RBP2: variants seen among roughly 807,000 people sequenced by gnomAD.
RBP2 encodes the protein retinol-binding protein 2.
Under a neutral mutation model 17.0 loss-of-function variants are expected in RBP2, and 17 were observed. The ratio of observed to expected loss-of-function variants is 1.00; its 90% CI spans 0.68 to 1.50. The LOEUF is 1.50. Ranked by LOEUF, RBP2 falls within the 40% of genes most tolerant of loss-of-function variation. RBP2 has a pLI of 0.00. For missense variants in RBP2, 158 were observed against 168.2 expected, an observed-to-expected ratio of 0.94 and a Z score of 0.33; for synonymous variants, 48 against 57.1, an observed-to-expected ratio of 0.84 and a Z score of 0.72.
rs1266261947 is a variant in RBP2 at position 139,468,936 on chromosome 3, C to CT, written c.74-6647dup. Among the ~76,000 whole-genome samples the CT allele has an allele frequency of 7.2e-5, 11 of 152,090 alleles. No homozygotes were observed. In the South Asian group the frequency reaches 1.2e-3, roughly 17 times the overall value. ...AGGAAAAAAAACAACACGGACCTGA[C>CT]TTTATTAAAACATACTTTTCATAAC... is the stretch of plus-strand genomic sequence containing the variant. On this transcript the variant is annotated intron_variant, in intron 1 of 3. Coordinates refer to ENST00000232217, the MANE Select transcript of RBP2 (RefSeq NM_004164.3).
At chr3:139,458,919 G>T (rs1283448016) in intron 2 of RBP2, among the ~76,000 whole-genome samples, 1 of 152,152 alleles carries the variant, frequency 6.6e-6, no homozygotes, top group Non-Finnish European at 1.5e-5. Flanking sequence ...AATCAGCCAG[G>T]ATAGGAAGTT....
intron 3 of RBP2, 132 bp from the exon 4 acceptor site, chr3:139,453,298 C>G (rs373871629): frequency 1.1e-6 from 1 of 904,546 alleles, no homozygotes; most frequent in African/African-American, 1.6e-5. Flanking sequence ...CAAAGTGCAT[C>G]TCACAGACCC....
intron 2 of RBP2, among the ~76,000 whole-genome samples, chr3:139,457,112 A>G (rs1428575943): frequency 6.6e-6 from 1 of 152,202 alleles, no homozygotes; most frequent in Non-Finnish European, 1.5e-5. Flanking sequence ...CCCCCAGTAG[A>G]CAGTAAGCTC....
At chr3:139,462,674 TA>T (rs1205699293) in intron 1 of RBP2, among the ~76,000 whole-genome samples, 13 of 152,090 alleles carry the variant, frequency 8.5e-5, no homozygotes, top group South Asian at 4.1e-4. Context: ...TCTCATGATT[TA>T]AAAGAAAAAA....
intron 2 of RBP2, among the ~76,000 whole-genome samples, chr3:139,460,004 G>A (rs1021841654): frequency 1.5e-4 from 23 of 152,190 alleles, no homozygotes; most frequent in African/African-American, 5.3e-4. Flanking sequence ...GTGTTAACAC[G>A]TGGAATTCAT....
intron 1 of RBP2, among the ~76,000 whole-genome samples, chr3:139,470,032 T>A (rs1933506541): frequency 6.6e-6 from 1 of 152,218 alleles, no homozygotes; most frequent in Non-Finnish European, 1.5e-5. Context: ...AAGGCATTTC[T>A]TCTGAATTTA....
intron 2 of RBP2, among the ~76,000 whole-genome samples, chr3:139,456,052 C>A (rs1932943312): frequency 6.6e-6 from 1 of 152,182 alleles, no homozygotes; most frequent in South Asian, 2.1e-4. Context: ...TTAGGCGTGC[C>A]CTTCCTGAGA....
chr3:139,472,260 A>G (rs530336773), intron 1 of RBP2, among the ~76,000 whole-genome samples: 1 of 152,224 alleles, frequency 6.6e-6, no homozygotes, highest in Non-Finnish European at 1.5e-5. Context: ...AGCCCAAGGC[A>G]TAGAATCTCA....
At chr3:139,476,277 C>G in intron 1 of RBP2, 110 bp downstream of exon 1, 1 of 797,316 alleles carries the variant, frequency 1.3e-6, no homozygotes, top group Non-Finnish European at 2.1e-6. Flanking sequence ...GTACATGAGG[C>G]ATGAGGATTT....
In RBP2 at chr3:139,469,659, ATCTATCTG is replaced by A. The variant is rs147773036; in HGVS notation, c.73+6720_73+6727del. On this transcript the variant is annotated intron_variant, in intron 1 of 3. Transcript: ENST00000232217. ...CAAATTCTTAATTGGAGCATCAGAC[ATCTATCTG>A]TCTGTCTGTCTGTCTGTCTGTCTAT... Among the ~76,000 whole-genome samples, 123 of 129,688 alleles carry A rather than the reference ATCTATCTG, an allele frequency of 9.5e-4. 1 individual carries two copies. The highest frequency in any genetic ancestry group is 3.1e-3 in the African/African-American group (113 of 36,698). 85.1% of individuals were successfully genotyped at this position (129,688 alleles called of 152,430 possible). A position where few individuals can be genotyped will look rare whatever the true frequency, so the allele number is the denominator to read the frequency against.
chr3:139,472,201 G>C (rs1365850513), intron 1 of RBP2, among the ~76,000 whole-genome samples: 1 of 152,066 alleles, frequency 6.6e-6, no homozygotes, highest in African/African-American at 2.4e-5. Flanking sequence ...TCACCACCAT[G>C]CACACACTTC....
At chr3:139,470,048 G>A (rs1933507070) in intron 1 of RBP2, among the ~76,000 whole-genome samples, 1 of 152,090 alleles carries the variant, frequency 6.6e-6, no homozygotes, top group Admixed American at 6.5e-5. Flanking sequence ...ATTTATCTCT[G>A]ACTATATCCT....
intron 2 of RBP2, among the ~76,000 whole-genome samples, chr3:139,460,927 A>G (rs1327726884): frequency 1.3e-5 from 2 of 152,300 alleles, no homozygotes; most frequent in East Asian, 1.9e-4. Context: ...GGGCATAGAC[A>G]GTGAACAGTC....
intron 1 of RBP2, among the ~76,000 whole-genome samples, chr3:139,465,077 T>TA (rs1484692033): frequency 2.0e-5 from 3 of 152,252 alleles, no homozygotes; most frequent in Non-Finnish European, 4.4e-5. Context: ...ACATGGCTGA[T>TA]ACAGCAATTG....
chr3:139,455,800 T>A (rs1932934393), intron 2 of RBP2, among the ~76,000 whole-genome samples: 1 of 152,114 alleles, frequency 6.6e-6, no homozygotes, highest in Non-Finnish European at 1.5e-5. Context: ...GCCAACTGGT[T>A]AATAGCACAG....
intron 2 of RBP2, among the ~76,000 whole-genome samples, chr3:139,459,546 C>T (rs989061046): frequency 6.6e-6 from 1 of 150,778 alleles, no homozygotes; most frequent in Non-Finnish European, 1.5e-5. Context: ...TTGCTTGAAC[C>T]TGGGAGGTGG....
chr3:139,453,273 C>G (rs985992766), intron 3 of RBP2, 107 bp from the exon 4 acceptor site: 18 of 1,246,872 alleles, frequency 1.4e-5, no homozygotes, highest in Middle Eastern at 1.9e-4. Context: ...AAAGAGGACA[C>G]TTAGGTATTC....
chr3:139,461,999 C>T (rs1933205673), intron 2 of RBP2, 113 bp downstream of exon 2: 1 of 1,157,750 alleles, frequency 8.6e-7, no homozygotes, highest in Admixed American at 2.3e-5. Flanking sequence ...TCCTGGTCCT[C>T]CTTTCCTGAT....
At chr3:139,474,936 G>A (rs1933683512) in intron 1 of RBP2, among the ~76,000 whole-genome samples, 1 of 152,032 alleles carries the variant, frequency 6.6e-6, no homozygotes, top group Admixed American at 6.5e-5. Flanking sequence ...GAGGATTTTT[G>A]TCTCTTTCTT....
Sources: allele counts gnomAD v4.1 joint callset (sites outside exome capture counted in the v4.1 genomes callset), GRCh38; gene constraint gnomAD v4.1.1; transcripts MANE v1.5; gene names NCBI Gene and HGNC (gene_info 2026-07-23, HGNC 2026-07-21).